PDE4D: variants seen among roughly 807,000 people sequenced by gnomAD.
The protein encoded by PDE4D is phosphodiesterase 4D.
In PDE4D, 24 loss-of-function variants were observed where a neutral mutation model predicts 87.4. The ratio of observed to expected loss-of-function variants is 0.27; its 90% CI spans 0.20 to 0.39. PDE4D has a LOEUF of 0.39. Among genes scored for constraint, PDE4D ranks in the 10% least tolerant of loss-of-function variants. The pLI, the probability that PDE4D is intolerant of heterozygous loss-of-function variation, is 1.00. For synonymous variants in PDE4D, 384 were observed against 383.2 expected, an observed-to-expected ratio of 1.00 and a Z score of -0.02; for missense variants, 714 against 1,041.0, an observed-to-expected ratio of 0.69 and a Z score of 4.32.
chr5:59,584,907 C>T (rs1332056959), intron 1 of PDE4D, among the ~76,000 whole-genome samples: 2 of 152,138 alleles, frequency 1.3e-5, no homozygotes, highest in African/African-American at 2.4e-5. Flanking sequence ...GGAACTGTTT[C>T]CAGGATCTTT....
chr5:59,138,818 G>T (rs996677083), intron 5 of PDE4D, among the ~76,000 whole-genome samples: 1 of 152,248 alleles, frequency 6.6e-6, no homozygotes, highest in Non-Finnish European at 1.5e-5. Flanking sequence ...AAGATGTAGC[G>T]TCCACTCTCA....
chr5:59,921,904 T>C (rs893179281), intron 3 of PDE4D, among the ~76,000 whole-genome samples: 1 of 152,200 alleles, frequency 6.6e-6, no homozygotes, highest in Non-Finnish European at 1.5e-5. Context: ...GAGCAATCTC[T>C]GTACCTGGTT....
At chr5:59,778,451 T>C (rs536094690) in intron 1 of PDE4D, among the ~76,000 whole-genome samples, 1 of 152,374 alleles carries the variant, frequency 6.6e-6, no homozygotes, top group South Asian at 2.1e-4. Flanking sequence ...ATTATTATTT[T>C]AAGCTGTAGT....
At chr5:59,053,645 G>GT (rs1338731940) in intron 5 of PDE4D, among the ~76,000 whole-genome samples, 2,294 of 68,246 alleles carry the variant, frequency 0.034, 128 homozygotes, top group East Asian at 0.12. Context: ...TTTGTTTTTT[G>GT]TTTTTTTTTG....
intron 1 of PDE4D, among the ~76,000 whole-genome samples, chr5:59,368,104 G>A (rs1301799726): frequency 1.3e-5 from 2 of 152,216 alleles, no homozygotes; most frequent in African/African-American, 2.4e-5. Context: ...TTTTGAGGAT[G>A]CATGTATGGG....
intron 2 of PDE4D, among the ~76,000 whole-genome samples, chr5:60,118,661 A>C (rs1334621088): frequency 6.6e-6 from 1 of 151,714 alleles, no homozygotes; most frequent in East Asian, 1.9e-4. Flanking sequence ...TTCAGAATTG[A>C]AATTCCACCT....
intron 1 of PDE4D, among the ~76,000 whole-genome samples, chr5:59,855,341 C>T (rs1745274441): frequency 6.6e-6 from 1 of 152,118 alleles, no homozygotes; most frequent in African/African-American, 2.4e-5. Context: ...TCTTAAGCCT[C>T]ACTTTTATTT....
At chr5:59,482,778 T>A (rs1235065732) in intron 1 of PDE4D, among the ~76,000 whole-genome samples, 1 of 152,182 alleles carries the variant, frequency 6.6e-6, no homozygotes, top group Non-Finnish European at 1.5e-5. Flanking sequence ...TCCTCTCTAA[T>A]AATAACCATC....
At chr5:59,887,720 AGT>A (rs141991192) in intron 1 of PDE4D, among the ~76,000 whole-genome samples, 11,218 of 150,718 alleles carry the variant, frequency 0.074, 487 homozygotes, top group Middle Eastern at 0.16. Flanking sequence ...GCAAGCCATC[AGT>A]GTGTGTGTGT....
At chr5:60,467,285 G>A (rs1186758221) in intron 1 of PDE4D, among the ~76,000 whole-genome samples, 1 of 152,056 alleles carries the variant, frequency 6.6e-6, no homozygotes, top group Non-Finnish European at 1.5e-5. Flanking sequence ...TGATCTGCCT[G>A]CCTTAGCCTC....
At chr5:59,400,462 T>A (rs1203616585) in intron 1 of PDE4D, among the ~76,000 whole-genome samples, 1 of 147,214 alleles carries the variant, frequency 6.8e-6, no homozygotes, top group Non-Finnish European at 1.5e-5. Flanking sequence ...AAATCATCAT[T>A]CTCAGTAAAC....
chr5:59,934,054 G>A lies in PDE4D; in HGVS notation c.272+54434C>T, dbSNP rs947142573. On this transcript the variant is annotated intron_variant, in intron 3 of 16. Coordinates refer to the PDE4D transcript ENST00000502484. ...GCTGGAGTGCAGTGGTACCATCTCAGCTCACTGCAACTTCCGCCTCCCAGG... is the reference window on the plus strand; with the variant it reads ...GCTGGAGTGCAGTGGTACCATCTCAACTCACTGCAACTTCCGCCTCCCAGG... Among the ~76,000 whole-genome samples the A allele has an allele frequency of 1.1e-4, 16 of 152,122 alleles. No individual in the cohort carries two copies. In the East Asian group the frequency reaches 2.9e-3, roughly 28 times the overall value.
At chr5:59,066,974 C>T (rs375076435) in intron 5 of PDE4D, among the ~76,000 whole-genome samples, 1 of 149,822 alleles carries the variant, frequency 6.7e-6, no homozygotes, top group Non-Finnish European at 1.5e-5. Flanking sequence ...TGTTTATAAG[C>T]CACCCAGCTC....
intron 1 of PDE4D, among the ~76,000 whole-genome samples, chr5:60,284,719 C>T (rs1227433929): frequency 6.6e-6 from 1 of 152,118 alleles, no homozygotes; most frequent in Non-Finnish European, 1.5e-5. Flanking sequence ...AAATAGAGAA[C>T]AGCTAGAGGC....
At chr5:59,231,087 T>C (rs1231063393) in intron 1 of PDE4D, among the ~76,000 whole-genome samples, 1 of 152,190 alleles carries the variant, frequency 6.6e-6, no homozygotes, top group African/African-American at 2.4e-5. Flanking sequence ...TTATGTATGG[T>C]TACAAATTAT....
intron 1 of PDE4D, among the ~76,000 whole-genome samples, chr5:59,828,108 C>T (rs1770537704): frequency 6.6e-6 from 1 of 151,404 alleles, no homozygotes; most frequent in Admixed American, 6.6e-5. Flanking sequence ...AAATAAAATA[C>T]TTAGTAAAAA....
intron 1 of PDE4D, among the ~76,000 whole-genome samples, chr5:60,387,475 T>C (rs1169519129): frequency 3.3e-5 from 5 of 152,172 alleles, no homozygotes; most frequent in Admixed American, 3.3e-4. Flanking sequence ...TTACCATTTC[T>C]CCTAGTTCCC....
chr5:59,107,872 A>AAGAAATT (rs1033231179), intron 5 of PDE4D, among the ~76,000 whole-genome samples: 4 of 152,170 alleles, frequency 2.6e-5, no homozygotes, highest in African/African-American at 9.7e-5. Flanking sequence ...GTTGCCAGGG[A>AAGAAATT]AGAAATTCTG....
intron 2 of PDE4D, among the ~76,000 whole-genome samples, chr5:60,025,933 T>C (rs984724297): frequency 2.0e-5 from 3 of 152,174 alleles, no homozygotes; most frequent in African/African-American, 7.2e-5. Context: ...TTATTTTTTA[T>C]ACTTAACAAC....
Sources: allele counts gnomAD v4.1 joint callset (sites outside exome capture counted in the v4.1 genomes callset), GRCh38; gene constraint gnomAD v4.1.1; transcripts MANE v1.5; gene names NCBI Gene and HGNC (gene_info 2026-07-23, HGNC 2026-07-21).